Variants in RCL1 observed in about 807,000 individuals in gnomAD.
The protein encoded by RCL1 is RNA terminal phosphate cyclase like 1, also known as RNA 3'-terminal phosphate cyclase-like protein.
A neutral mutation model predicts 42.4 loss-of-function variants in RCL1; 24 were observed. The observed-to-expected ratio is 0.57, with a 90% CI of 0.41 to 0.80. The LOEUF is 0.80. Ranked by LOEUF, RCL1 falls within the 30% of genes least tolerant of loss-of-function variation. The pLI is 0.00. For synonymous variants in RCL1, 228 were observed against 177.3 expected (o/e 1.29, Z -2.27); for missense variants, 578 against 467.9 (o/e 1.24, Z -2.17).
intron 1 of RCL1, among the ~76,000 whole-genome samples, chr9:4,820,384 C>G (rs1046904817): frequency 2.7e-4 from 41 of 152,294 alleles, no homozygotes; most frequent in African/African-American, 9.4e-4. Flanking sequence ...GGCTCCGGAA[C>G]TAGCTCTGAG....
rs1161831299 is a variant in RCL1, at chr9:4,836,450, G to A, written c.584+2185G>A. 3.9e-5 allele frequency among the ~76,000 whole-genome samples: 6 copies of A among 152,182 alleles called. No individual in the cohort carries two copies. In the East Asian group the frequency reaches 5.8e-4, roughly 15 times the overall value. On this transcript the variant is annotated intron_variant, in intron 5 of 8. Transcript: ENST00000381750. ...TCAGATCTAGTGGAAATAGATACAT[G>A]TACTGTGTAGGACAAGAGATTGTGT...
chr9:4,814,267 T>C (rs1816291795), intron 1 of RCL1, among the ~76,000 whole-genome samples: 1 of 151,742 alleles, frequency 6.6e-6, no homozygotes, highest in African/African-American at 2.4e-5. Flanking sequence ...GTTTTTATCA[T>C]GAGGGGGTTT....
intron 4 of RCL1, 38 bp from the exon 5 acceptor site, chr9:4,834,103 G>T: frequency 6.2e-7 from 1 of 1,600,474 alleles, no homozygotes; most frequent in Non-Finnish European, 8.5e-7. Flanking sequence ...CCATTGCTTT[G>T]CTGCATCCTC....
At chr9:4,841,497 G>T in intron 6 of RCL1, 140 bp downstream of exon 6, 3 of 699,558 alleles carry the variant, frequency 4.3e-6, no homozygotes, top group Admixed American at 2.4e-5. Context: ...CCTTATTGCC[G>T]TTGTCACCAA....
intron 7 of RCL1, among the ~76,000 whole-genome samples, chr9:4,845,801 G>T (rs1378737891): frequency 6.6e-6 from 1 of 152,176 alleles, no homozygotes; most frequent in Non-Finnish European, 1.5e-5. Flanking sequence ...CTGTTGTATG[G>T]TGTATAATGT....
At chr9:4,845,761 A>G (rs1461653099) in intron 7 of RCL1, among the ~76,000 whole-genome samples, 1 of 152,242 alleles carries the variant, frequency 6.6e-6, no homozygotes, top group Non-Finnish European at 1.5e-5. Context: ...TGAACTGAGC[A>G]TCAGCAAGAA....
At chr9:4,797,832 C>G (rs1842937190) in intron 1 of RCL1, among the ~76,000 whole-genome samples, 1 of 152,146 alleles carries the variant, frequency 6.6e-6, no homozygotes, top group Non-Finnish European at 1.5e-5. Context: ...AAACTGTCCC[C>G]TTCCATTGCA....
chr9:4,841,264 A>G lies in RCL1; in HGVS notation c.617A>G (p.Asn206Ser). Residue 206 changes from asparagine to serine, a missense_variant, in exon 6 of 9, where the codon AAC becomes AGC. Physicochemically the swap from Asn to Ser is conservative, Grantham distance 46 (BLOSUM62 1). Coordinates refer to ENST00000381750, the MANE Select transcript of RCL1 (RefSeq NM_005772.5). ...YSVRVSPQMA[N>S]RIVDSARSIL... ...GTACGTGTGTCACCTCAGATGGCGA[A>G]CCGGATTGTGGATTCTGCAAGGAGC... 6.2e-7 allele frequency: 1 copy of G among 1,613,790 alleles called. No homozygotes were observed. The highest frequency in any genetic ancestry group is 8.5e-7 in the Non-Finnish European group (1 of 1,179,682).
intron 8 of RCL1, among the ~76,000 whole-genome samples, chr9:4,857,360 C>A (rs183130251): frequency 6.6e-6 from 1 of 152,216 alleles, no homozygotes; most frequent in African/African-American, 2.4e-5. Flanking sequence ...GAATCATACA[C>A]TATCTGGTCC....
intron 2 of RCL1, among the ~76,000 whole-genome samples, chr9:4,826,642 G>A (rs1414378921): frequency 2.6e-5 from 4 of 152,190 alleles, no homozygotes; most frequent in Non-Finnish European, 5.9e-5. Context: ...CTTTATTACT[G>A]ATTATTAAAT....
chr9:4,860,207 G>A lies in RCL1; in HGVS notation c.1054G>A (p.Gly352Ser), dbSNP rs755521131. ...ETKPCGEELK[G>S]GDKVLMTCVG... Reference sequence around the variant, plus strand: ...CAAGCCATGTGGTGAAGAACTCAAGGGTGGGGATAAAGTGCTGATGACCTG... The same window carrying A: ...CAAGCCATGTGGTGAAGAACTCAAGAGTGGGGATAAAGTGCTGATGACCTG... The change falls in exon 9 of 9, where the codon GGT becomes AGT. Residue 352 changes from glycine (G) to serine (S), a missense_variant. Coordinates refer to ENST00000381750, the MANE Select transcript of RCL1 (RefSeq NM_005772.5). 1 of 1,613,018 alleles carries A rather than the reference G, an allele frequency of 6.2e-7. No homozygotes were observed. Among genetic ancestry groups the A allele is most frequent in the East Asian group, 2.2e-5 (1 of 44,812 alleles).
At position 4,851,105 on chromosome 9, in the gene RCL1, C is replaced by G. The variant is rs542215599; in HGVS notation, c.971+1555C>G. 6.6e-5 allele frequency among the ~76,000 whole-genome samples: 10 copies of G among 152,226 alleles called. No homozygotes were observed. In the East Asian group the frequency reaches 7.7e-4, roughly 12 times the overall value. On this transcript the variant is annotated intron_variant, in intron 8 of 8. Coordinates refer to ENST00000381750, the MANE Select transcript of RCL1 (RefSeq NM_005772.5). Reference sequence around the variant, plus strand: ...TGTTTTCAAGCTTTGCAGAGATGCTCAAGATATGACTGGACATTTTTGAAA... The same window carrying G: ...TGTTTTCAAGCTTTGCAGAGATGCTGAAGATATGACTGGACATTTTTGAAA...
At chr9:4,821,176 C>G (rs914950825) in intron 1 of RCL1, among the ~76,000 whole-genome samples, 2 of 152,046 alleles carry the variant, frequency 1.3e-5, no homozygotes, top group African/African-American at 4.8e-5. Flanking sequence ...GTAATCCCAG[C>G]GTTTGTGAGC....
intron 1 of RCL1, among the ~76,000 whole-genome samples, chr9:4,805,352 G>T (rs949252946): frequency 2.6e-5 from 4 of 151,972 alleles, no homozygotes. Flanking sequence ...TCATGCTTCT[G>T]CATTCTAGCC....
chr9:4,854,127 G>A (rs978949219), intron 8 of RCL1, among the ~76,000 whole-genome samples: 1 of 152,172 alleles, frequency 6.6e-6, no homozygotes, highest in Admixed American at 6.5e-5. Flanking sequence ...GTAAAAGCAA[G>A]TGATAGCCTT....
chr9:4,827,336 A>G (rs1249580071), intron 3 of RCL1: 1 of 1,129,282 alleles, frequency 8.9e-7, no homozygotes, highest in African/African-American at 1.6e-5. Context: ...CTGGCTGTAT[A>G]TGTGAGAGTG....
intron 7 of RCL1, 79 bp downstream of exon 7, chr9:4,844,760 G>C (rs780365295): frequency 8.9e-6 from 13 of 1,463,000 alleles, no homozygotes; most frequent in East Asian, 6.9e-5. Context: ...GGCAGCTTTC[G>C]TCCTCTTCCA....
At chr9:4,850,510 T>TTTG (rs1817705210) in intron 8 of RCL1, 1 of 230,036 alleles carries the variant, frequency 4.3e-6, no homozygotes, top group Admixed American at 4.5e-5. Context: ...TTTTTTTTTT[T>TTTG]GGAATTCGTG....
intron 8 of RCL1, among the ~76,000 whole-genome samples, 183 bp downstream of exon 8, chr9:4,849,733 AT>A (rs1476354923): frequency 7.9e-5 from 12 of 152,246 alleles, no homozygotes; most frequent in Admixed American, 7.8e-4. Context: ...GGATTTTTGC[AT>A]TTCTTTCCTT....
Sources: gnomAD v4.1 joint callset for allele counts (sites outside exome capture counted in the v4.1 genomes callset) on GRCh38, gnomAD v4.1.1 for gene constraint, MANE v1.5 for transcripts, NCBI Gene and HGNC (gene_info 2026-07-23, HGNC 2026-07-21) for gene names.